The following NYAP2 variants were observed in gnomAD, a reference collection of about 807,000 sequenced individuals.
NYAP2 encodes neuronal tyrosine-phosphorylated phosphoinositide-3-kinase adaptor 2, also known as neuronal tyrosine-phosphorylated phosphoinositide-3-kinase adapter 2.
A neutral mutation model predicts 50.4 loss-of-function variants in NYAP2; 23 were observed. The ratio of observed to expected loss-of-function variants is 0.46; its 90% CI spans 0.33 to 0.65. The LOEUF is 0.65. Among genes scored for constraint, NYAP2 ranks in the 30% least tolerant of loss-of-function variants. The pLI, the probability that NYAP2 is intolerant of heterozygous loss-of-function variation, is 0.02. For synonymous variants in NYAP2, 394 were observed against 365.2 expected (o/e 1.08, Z -0.90); for missense variants, 885 against 861.0 (o/e 1.03, Z -0.35).
the NYAP2 span, among the ~76,000 whole-genome samples, chr2:225,684,768 C>G: frequency 6.6e-6 from 1 of 152,108 alleles, no homozygotes; most frequent in Non-Finnish European, 1.5e-5. Flanking sequence ...TGAGGCTGGT[C>G]TCGAACTCCC....
At position 225,406,339 on chromosome 2, in the gene NYAP2, G is replaced by A. The variant is rs113636183; in HGVS notation, c.-17-2525G>A. Among the ~76,000 whole-genome samples the A allele has an allele frequency of 6.7e-3, 1,022 of 151,956 alleles. 9 individuals carry two copies. The highest frequency in any genetic ancestry group is 0.024 in the African/African-American group (980 of 41,498). ...TTAGACATTGACAGGGCCTGTGACC[G>A]TTTTCGGAGACTAACACGACTGTTG... On this transcript the variant is annotated intron_variant, in intron 2 of 6. Transcript: ENST00000636099.
At chr2:225,564,307 A>C (rs1691924964) in intron 4 of NYAP2, among the ~76,000 whole-genome samples, 2 of 151,828 alleles carry the variant, frequency 1.3e-5, no homozygotes, top group South Asian at 4.2e-4. Flanking sequence ...AAACTGATTT[A>C]AGGCCTTGAG....
intron 3 of NYAP2, among the ~76,000 whole-genome samples, chr2:225,485,218 T>C (rs1224628945): frequency 6.6e-6 from 1 of 152,164 alleles, no homozygotes; most frequent in Non-Finnish European, 1.5e-5. Flanking sequence ...CTGCACAAGC[T>C]CTTTTGCCTG....
the NYAP2 span, among the ~76,000 whole-genome samples, chr2:225,684,734 A>C: frequency 2.6e-4 from 40 of 152,130 alleles, 2 homozygotes; most frequent in East Asian, 7.8e-3. Flanking sequence ...TACTTTTTGT[A>C]AAGATGGGGT....
At chr2:225,469,896 T>C (rs1056275423) in intron 3 of NYAP2, among the ~76,000 whole-genome samples, 3 of 152,134 alleles carry the variant, frequency 2.0e-5, no homozygotes, top group Non-Finnish European at 4.4e-5. Flanking sequence ...AAATACCTAA[T>C]GTAGGTGACA....
intron 3 of NYAP2, among the ~76,000 whole-genome samples, chr2:225,431,412 C>G (rs1328987635): frequency 6.6e-6 from 1 of 152,082 alleles, no homozygotes; most frequent in Non-Finnish European, 1.5e-5. Context: ...CTAGTTTAAG[C>G]TTTTTGAACA....
intron 4 of NYAP2, among the ~76,000 whole-genome samples, chr2:225,556,783 T>C (rs779776533): frequency 1.1e-4 from 17 of 152,218 alleles, no homozygotes; most frequent in Non-Finnish European, 2.5e-4. Flanking sequence ...CTATATTTCA[T>C]GATCAAGCTT....
At chr2:225,505,755 G>A (rs1690693111) in intron 3 of NYAP2, among the ~76,000 whole-genome samples, 1 of 152,154 alleles carries the variant, frequency 6.6e-6, no homozygotes, top group African/African-American at 2.4e-5. Context: ...AATATAATTG[G>A]CTTTAACAAA....
intron 4 of NYAP2, among the ~76,000 whole-genome samples, chr2:225,530,090 C>T (rs2106196565): frequency 6.6e-6 from 1 of 152,232 alleles, no homozygotes; most frequent in South Asian, 2.1e-4. Context: ...CTGTACAAAA[C>T]TATAAAATTA....
chr2:225,555,151 C>CT (rs563826382), intron 4 of NYAP2, among the ~76,000 whole-genome samples: 1 of 152,026 alleles, frequency 6.6e-6, no homozygotes, highest in South Asian at 2.1e-4. Flanking sequence ...CATATTCAAG[C>CT]TTTTTTTCCC....
intron 4 of NYAP2, among the ~76,000 whole-genome samples, chr2:225,539,883 AAGTCAAC>A (rs1241896564): frequency 6.6e-6 from 1 of 152,164 alleles, no homozygotes; most frequent in Non-Finnish European, 1.5e-5. Context: ...AACAGAACCC[AAGTCAAC>A]TCTTGAATGC....
chr2:225,652,129 C>A (rs1014824390), exon 7 of NYAP2: 9 of 152,134 alleles, frequency 5.9e-5, no homozygotes, highest in Admixed American at 2.0e-4. Flanking sequence ...ATTCATATCC[C>A]GATTCATTTG....
At chr2:225,591,732 C>T (rs1456432334) in intron 5 of NYAP2, among the ~76,000 whole-genome samples, 6 of 152,020 alleles carry the variant, frequency 3.9e-5, no homozygotes, top group East Asian at 1.9e-4. Flanking sequence ...AGAGTTTCTT[C>T]GATTTAATGA....
chr2:225,500,207 G>T lies in NYAP2; in HGVS notation c.222-13164G>T, dbSNP rs188234467. 6.0e-3 allele frequency among the ~76,000 whole-genome samples: 919 copies of T among 152,328 alleles called. 7 individuals carry two copies. Among genetic ancestry groups the T allele is most frequent in the Non-Finnish European group, 8.1e-3 (550 of 68,024 alleles). ...GTATTATTCTGAGGGACTGGGTTCA[G>T]ATTTGTCAAAACCGAGGTTTCCTAA... On this transcript the variant is annotated intron_variant, in intron 3 of 6. Coordinates refer to ENST00000636099, the Ensembl canonical transcript of NYAP2.
intron 3 of NYAP2, among the ~76,000 whole-genome samples, chr2:225,472,285 T>C (rs1690024126): frequency 6.6e-6 from 1 of 152,228 alleles, no homozygotes; most frequent in African/African-American, 2.4e-5. Flanking sequence ...TTACTTTTAT[T>C]TGGAGCTAAT....
chr2:225,522,302 A>G (rs1691076854), intron 4 of NYAP2, among the ~76,000 whole-genome samples: 1 of 152,158 alleles, frequency 6.6e-6, no homozygotes, highest in Admixed American at 6.6e-5. Context: ...TCTTTATTAT[A>G]TAATTTCATG....
intron 4 of NYAP2, among the ~76,000 whole-genome samples, chr2:225,560,883 T>C (rs1392026472): frequency 6.6e-6 from 1 of 151,538 alleles, no homozygotes. Context: ...AAATTTGCTG[T>C]AGAAGTCAGA....
At chr2:225,679,386 T>C in the NYAP2 span, among the ~76,000 whole-genome samples, 25 of 152,154 alleles carry the variant, frequency 1.6e-4, no homozygotes, top group Non-Finnish European at 2.6e-4. Context: ...GATAGTTATA[T>C]TTAATTGAAG....
chr2:225,513,666 A>T, exon 4 of NYAP2: 2 of 1,504,374 alleles, frequency 1.3e-6, no homozygotes, highest in Non-Finnish European at 1.8e-6. Flanking sequence ...CCCTGAGAGG[A>T]CTGAAGGTAA....
Sources: allele counts gnomAD v4.1 joint callset (sites outside exome capture counted in the v4.1 genomes callset), GRCh38; gene constraint gnomAD v4.1.1; transcripts MANE v1.5; gene names NCBI Gene and HGNC (gene_info 2026-07-23, HGNC 2026-07-21).